Variants in BAALC observed in about 807,000 individuals in gnomAD.
BAALC encodes BAALC binder of MAP3K1 and KLF4, also known as brain and acute leukemia cytoplasmic protein.
BAALC carries 9 observed loss-of-function variants against 15.5 expected under a neutral mutation model. That is an observed-to-expected ratio of 0.58 (90% CI 0.35 to 1.02). The LOEUF (loss-of-function observed/expected upper bound fraction) is 1.02, where lower values mean the gene tolerates loss of function less well. Ranked by LOEUF, BAALC falls within the 50% of genes least tolerant of loss-of-function variation. BAALC has a pLI of 0.02. For missense variants in BAALC, 201 were observed against 192.4 expected, an observed-to-expected ratio of 1.04 and a Z score of -0.27; for synonymous variants, 80 against 74.6, an observed-to-expected ratio of 1.07 and a Z score of -0.37.
chr8:103,170,726 A>G (rs937213230), intron 1 of BAALC, among the ~76,000 whole-genome samples: 3 of 152,186 alleles, frequency 2.0e-5, no homozygotes, highest in Non-Finnish European at 4.4e-5. Flanking sequence ...TCAATCACCC[A>G]GTTTTTGGTT....
chr8:103,144,588 T>C (rs1177070625), intron 1 of BAALC, among the ~76,000 whole-genome samples: 1 of 152,194 alleles, frequency 6.6e-6, no homozygotes, highest in South Asian at 2.1e-4. Flanking sequence ...GCTCAGTCAT[T>C]CCATTCATTA....
At chr8:103,204,407 A>G (rs1812284337) in intron 1 of BAALC, among the ~76,000 whole-genome samples, 1 of 152,102 alleles carries the variant, frequency 6.6e-6, no homozygotes, top group Non-Finnish European at 1.5e-5. Context: ...GAATCACAAA[A>G]GTTTTCAGTT....
intron 1 of BAALC, among the ~76,000 whole-genome samples, chr8:103,149,760 G>A (rs1309607823): frequency 6.6e-6 from 1 of 152,156 alleles, no homozygotes; most frequent in African/African-American, 2.4e-5. Context: ...GAGAAGTAAA[G>A]GGATTTTTCT....
intron 1 of BAALC, among the ~76,000 whole-genome samples, chr8:103,203,559 A>G (rs1477377474): frequency 1.3e-5 from 2 of 151,970 alleles, no homozygotes; most frequent in South Asian, 2.1e-4. Flanking sequence ...TCAAAAAGAA[A>G]CCCTGAACTT....
chr8:103,193,491 A>T (rs1363376210), intron 1 of BAALC, among the ~76,000 whole-genome samples: 1 of 152,094 alleles, frequency 6.6e-6, no homozygotes, highest in East Asian at 1.9e-4. Flanking sequence ...CCTTTTGCAC[A>T]TTGTTGTGCC....
chr8:103,172,244 T>C (rs1055983933), intron 1 of BAALC: 3 of 152,134 alleles, frequency 2.0e-5, no homozygotes, highest in African/African-American at 7.2e-5. Context: ...CTAGTATTTT[T>C]GGCCTTTCAG....
At chr8:103,208,107 T>G (rs1812370307) in intron 1 of BAALC, 2 of 152,274 alleles carry the variant, frequency 1.3e-5, no homozygotes, top group African/African-American at 2.4e-5. Context: ...TAGCTGGTTG[T>G]GTGACTCATA....
intron 1 of BAALC, among the ~76,000 whole-genome samples, chr8:103,162,135 T>A (rs1457143253): frequency 1.3e-5 from 2 of 152,008 alleles, no homozygotes; most frequent in African/African-American, 4.8e-5. Flanking sequence ...ATTAAAAACA[T>A]TTTTTTCATA....
intron 1 of BAALC, among the ~76,000 whole-genome samples, chr8:103,170,439 T>C (rs1811457054): frequency 6.6e-6 from 1 of 152,200 alleles, no homozygotes; most frequent in Non-Finnish European, 1.5e-5. Context: ...GATTATATGA[T>C]ATTAAGGTGA....
intron 1 of BAALC, among the ~76,000 whole-genome samples, chr8:103,148,361 C>A (rs984840909): frequency 6.6e-6 from 1 of 152,146 alleles, no homozygotes; most frequent in African/African-American, 2.4e-5. Context: ...CCAGAAGGAA[C>A]CAACCCTGCT....
At chr8:103,227,808 C>T (rs1812839366) in intron 2 of BAALC, among the ~76,000 whole-genome samples, 181 bp from the exon 3 acceptor site, 1 of 152,090 alleles carries the variant, frequency 6.6e-6, no homozygotes, top group African/African-American at 2.4e-5. Context: ...TAGTGAAGTC[C>T]TCAAACCCTC....
intron 1 of BAALC, chr8:103,166,111 C>T (rs1234377812): frequency 2.6e-5 from 4 of 152,610 alleles, no homozygotes; most frequent in Admixed American, 6.6e-5. Context: ...ACACGGTCAG[C>T]GCAGGATGAG....
At chr8:103,200,122 A>C (rs1469435890) in intron 1 of BAALC, among the ~76,000 whole-genome samples, 4 of 152,160 alleles carry the variant, frequency 2.6e-5, no homozygotes, top group African/African-American at 7.2e-5. Context: ...TGAACATGCA[A>C]GGGTATGTGT....
chr8:103,190,898 A>C (rs1811951620), intron 1 of BAALC: 1 of 152,164 alleles, frequency 6.6e-6, no homozygotes, highest in Non-Finnish European at 1.5e-5. Context: ...GATGTGAGTT[A>C]AATTAGTTGG....
chr8:103,177,425 T>C (rs1811632116), intron 1 of BAALC, among the ~76,000 whole-genome samples: 1 of 152,204 alleles, frequency 6.6e-6, no homozygotes, highest in South Asian at 2.1e-4. Context: ...CCTTGAGTGA[T>C]GTTCCCACCT....
chr8:103,219,075 C>A (rs896645475), intron 2 of BAALC, among the ~76,000 whole-genome samples: 21 of 152,162 alleles, frequency 1.4e-4, no homozygotes, highest in African/African-American at 4.8e-4. Flanking sequence ...ATTAGAAGGG[C>A]ACTTTGGTGT....
chr8:103,162,087 A>T lies in BAALC; in HGVS notation c.160+21030A>T, dbSNP rs1359086085. 2.6e-5 allele frequency among the ~76,000 whole-genome samples: 4 copies of T among 152,236 alleles called. No homozygotes were observed. The South Asian group carries it at 8.3e-4, about 32-fold the overall frequency. ...GCAGTTTTTCTACCTCAGCCTCCCAAGTAGCTGGGACCACAGGTGAGCCAC... is the reference window on the plus strand; with the variant it reads ...GCAGTTTTTCTACCTCAGCCTCCCATGTAGCTGGGACCACAGGTGAGCCAC... On this transcript the variant is annotated intron_variant, in intron 1 of 2. Transcript: ENST00000309982.
chr8:103,204,376 A>G (rs1191777181), intron 1 of BAALC, among the ~76,000 whole-genome samples: 1 of 152,106 alleles, frequency 6.6e-6, no homozygotes, highest in Non-Finnish European at 1.5e-5. Context: ...TTGCCTTTTC[A>G]CTTTCTTCAT....
chr8:103,183,550 G>C, intron 1 of BAALC: 1 of 673,226 alleles, frequency 1.5e-6, no homozygotes, highest in South Asian at 1.6e-5. Flanking sequence ...TCTATAGCTT[G>C]GGAGAGCCTC....
Sources: gnomAD v4.1 joint callset for allele counts (sites outside exome capture counted in the v4.1 genomes callset) on GRCh38, gnomAD v4.1.1 for gene constraint, MANE v1.5 for transcripts, NCBI Gene and HGNC (gene_info 2026-07-23, HGNC 2026-07-21) for gene names.